LRMDA: variants seen among roughly 807,000 people sequenced by gnomAD.
LRMDA encodes leucine rich melanocyte differentiation associated, also known as leucine-rich melanocyte differentiation-associated protein.
A neutral mutation model predicts 29.8 loss-of-function variants in LRMDA; 18 were observed. The ratio of observed to expected loss-of-function variants is 0.60; its 90% CI spans 0.42 to 0.90. The LOEUF (loss-of-function observed/expected upper bound fraction) is 0.90, where lower values mean the gene tolerates loss of function less well. Ranked by LOEUF, LRMDA falls within the 40% of genes least tolerant of loss-of-function variation. LRMDA has a pLI of 0.00. For synonymous variants in LRMDA, 125 were observed against 109.4 expected, an observed-to-expected ratio of 1.14 and a Z score of -0.89; for missense variants, 273 against 273.9, an observed-to-expected ratio of 1.00 and a Z score of 0.02.
intron 2 of LRMDA, among the ~76,000 whole-genome samples, chr10:76,006,972 G>A (rs1041651502): frequency 6.6e-6 from 1 of 150,844 alleles, no homozygotes; most frequent in South Asian, 2.1e-4. Context: ...AAGTTTGCAG[G>A]ATGGAGAAGG....
chr10:75,928,212 G>A (rs1037297951), intron 2 of LRMDA, among the ~76,000 whole-genome samples: 1 of 152,084 alleles, frequency 6.6e-6, no homozygotes, highest in African/African-American at 2.4e-5. Context: ...ACCCTTTGGT[G>A]GATGCTTTAC....
intron 2 of LRMDA, among the ~76,000 whole-genome samples, chr10:75,527,788 A>G (rs2132040925): frequency 6.7e-6 from 1 of 148,376 alleles, no homozygotes; most frequent in South Asian, 2.1e-4. Flanking sequence ...GTAATTATAT[A>G]TTATATATTT....
At chr10:75,488,222 G>C (rs1486024999) in intron 2 of LRMDA, among the ~76,000 whole-genome samples, 1 of 152,118 alleles carries the variant, frequency 6.6e-6, no homozygotes, top group African/African-American at 2.4e-5. Flanking sequence ...CAGCTAAAAG[G>C]CTTTTAGGAC....
chr10:76,197,722 C>G (rs1415453050), intron 5 of LRMDA, among the ~76,000 whole-genome samples: 2 of 151,768 alleles, frequency 1.3e-5, no homozygotes, highest in Non-Finnish European at 2.9e-5. Context: ...AGTTTGAGAC[C>G]CGCCTGGTCA....
At chr10:76,047,435 T>C (rs1848459697) in intron 4 of LRMDA, 132 bp downstream of exon 4, 3 of 967,250 alleles carry the variant, frequency 3.1e-6, no homozygotes, top group African/African-American at 1.7e-5. Flanking sequence ...TGTTAAACTT[T>C]TACCTTTTGG....
intron 2 of LRMDA, among the ~76,000 whole-genome samples, chr10:75,545,663 A>G (rs1430008573): frequency 6.6e-6 from 1 of 152,160 alleles, no homozygotes; most frequent in Non-Finnish European, 1.5e-5. Context: ...TGAGCCCCAG[A>G]GAGGGGAGAT....
At chr10:75,649,639 T>A (rs1841571813) in intron 2 of LRMDA, among the ~76,000 whole-genome samples, 1 of 152,238 alleles carries the variant, frequency 6.6e-6, no homozygotes, top group African/African-American at 2.4e-5. Flanking sequence ...TCTCTTCCTG[T>A]TTCTTTGTTC....
intron 2 of LRMDA, among the ~76,000 whole-genome samples, chr10:75,893,304 T>G (rs555756171): frequency 6.6e-6 from 1 of 152,252 alleles, no homozygotes; most frequent in African/African-American, 2.4e-5. Context: ...TGCCCTGAAA[T>G]TATGTTCTCC....
chr10:76,199,671 G>A (rs1851392666), intron 5 of LRMDA, among the ~76,000 whole-genome samples: 1 of 152,174 alleles, frequency 6.6e-6, no homozygotes, highest in South Asian at 2.1e-4. Flanking sequence ...CACTGAGGAT[G>A]TAAGAAAAAT....
chr10:76,440,743 C>T (rs772923593), intron 6 of LRMDA, among the ~76,000 whole-genome samples: 17 of 152,150 alleles, frequency 1.1e-4, no homozygotes, highest in Non-Finnish European at 2.4e-4. Context: ...GACTGCTCAA[C>T]TTATCATCAT....
chr10:75,520,808 TC>T (rs1461901313), intron 2 of LRMDA, among the ~76,000 whole-genome samples: 1 of 152,222 alleles, frequency 6.6e-6, no homozygotes, highest in Non-Finnish European at 1.5e-5. Context: ...TTTCTCTCCA[TC>T]TTTATGGTTT....
chr10:75,785,976 T>C (rs1843465503), intron 2 of LRMDA, among the ~76,000 whole-genome samples: 1 of 152,190 alleles, frequency 6.6e-6, no homozygotes, highest in Non-Finnish European at 1.5e-5. Context: ...CCTTTTCACA[T>C]AATGAGTAGA....
At chr10:75,805,559 G>A (rs1219033162) in intron 2 of LRMDA, among the ~76,000 whole-genome samples, 1 of 152,160 alleles carries the variant, frequency 6.6e-6, no homozygotes, top group African/African-American at 2.4e-5. Context: ...GGGTGTTGGT[G>A]GGTGGTTTGG....
intron 6 of LRMDA, among the ~76,000 whole-genome samples, chr10:76,340,404 T>C (rs2132418863): frequency 6.6e-6 from 1 of 150,594 alleles, no homozygotes; most frequent in Non-Finnish European, 1.5e-5. Flanking sequence ...TAGTCCCAGC[T>C]ACTTGGGAGG....
intron 6 of LRMDA, among the ~76,000 whole-genome samples, chr10:76,418,888 T>C (rs576239753): frequency 6.6e-6 from 1 of 152,214 alleles, no homozygotes; most frequent in South Asian, 2.1e-4. Context: ...ATTATATTAA[T>C]GTGATGAATT....
chr10:75,432,087 A>G (rs1405693214), intron 1 of LRMDA, among the ~76,000 whole-genome samples: 1 of 152,268 alleles, frequency 6.6e-6, no homozygotes, highest in Non-Finnish European at 1.5e-5. Flanking sequence ...AAAATGTTCC[A>G]ATTTCATAAT....
chr10:75,588,565 G>A (rs1030868470), intron 2 of LRMDA, among the ~76,000 whole-genome samples: 12 of 152,112 alleles, frequency 7.9e-5, no homozygotes, highest in African/African-American at 2.2e-4. Context: ...ACTCAATTGC[G>A]CTTTTTTGAC....
At chr10:75,651,104 C>T (rs761814862) in intron 2 of LRMDA, among the ~76,000 whole-genome samples, 5 of 152,164 alleles carry the variant, frequency 3.3e-5, no homozygotes, top group Admixed American at 6.5e-5. Flanking sequence ...TAGAAAGGCC[C>T]GTGTCTTCCT....
chr10:75,551,074 C>T (rs1354612205), intron 2 of LRMDA, among the ~76,000 whole-genome samples: 1 of 149,738 alleles, frequency 6.7e-6, no homozygotes, highest in Non-Finnish European at 1.5e-5. Flanking sequence ...GTTTTTTTTA[C>T]TTGATTAATA....
Sources: allele counts gnomAD v4.1 joint callset (sites outside exome capture counted in the v4.1 genomes callset), GRCh38; gene constraint gnomAD v4.1.1; transcripts MANE v1.5; gene names NCBI Gene and HGNC (gene_info 2026-07-23, HGNC 2026-07-21).